The following SLIT1 variants were observed in gnomAD, a reference collection of about 807,000 sequenced individuals.
The protein encoded by SLIT1 is slit guidance ligand 1.
SLIT1 carries 66 observed loss-of-function variants against 186.1 expected under a neutral mutation model. The observed-to-expected ratio is 0.35, with a 90% confidence interval of 0.29 to 0.44. The LOEUF (loss-of-function observed/expected upper bound fraction) is 0.44. Ranked by LOEUF, SLIT1 falls within the 20% of genes least tolerant of loss-of-function variation. SLIT1 has a pLI of 1.00. For synonymous variants in SLIT1, 761 were observed against 833.8 expected, an observed-to-expected ratio of 0.91 and a Z score of 1.50; for missense variants, 1,638 against 2,037.4, an observed-to-expected ratio of 0.80 and a Z score of 3.77.
At chr10:97,084,933 T>TC (rs1320757676) in intron 4 of SLIT1, among the ~76,000 whole-genome samples, 3 of 148,902 alleles carry the variant, frequency 2.0e-5, no homozygotes, top group African/African-American at 7.4e-5. Context: ...CCTTTTTTTT[T>TC]TTTTTTTTGA....
intron 4 of SLIT1, among the ~76,000 whole-genome samples, chr10:97,066,886 G>A (rs1848952081): frequency 6.6e-6 from 1 of 152,198 alleles, no homozygotes; most frequent in Admixed American, 6.5e-5. Context: ...ATACAACAGA[G>A]GTGCTTCTGG....
intron 4 of SLIT1, among the ~76,000 whole-genome samples, chr10:97,106,301 G>A (rs187606618): frequency 4.5e-4 from 68 of 152,358 alleles, no homozygotes; most frequent in African/African-American, 1.6e-3. Flanking sequence ...TGGAGCTGCT[G>A]TAAACATCTT....
At chr10:97,028,144 T>C (rs1482350180) in intron 25 of SLIT1, among the ~76,000 whole-genome samples, 1 of 152,090 alleles carries the variant, frequency 6.6e-6, no homozygotes, top group South Asian at 2.1e-4. Flanking sequence ...AAAATGAGCA[T>C]GCAACCAAAA....
intron 4 of SLIT1, among the ~76,000 whole-genome samples, chr10:97,089,603 G>A (rs1849208162): frequency 6.6e-6 from 1 of 152,200 alleles, no homozygotes; most frequent in South Asian, 2.1e-4. Flanking sequence ...ATGGAATTCT[G>A]GCCGCTGCAG....
intron 3 of SLIT1, among the ~76,000 whole-genome samples, chr10:97,158,812 G>A (rs1849987616): frequency 6.6e-6 from 1 of 151,902 alleles, no homozygotes. Context: ...CCAGGGAGGT[G>A]GTGCAGTAAG....
At chr10:97,081,792 T>C (rs548732192) in intron 4 of SLIT1, among the ~76,000 whole-genome samples, 4 of 152,278 alleles carry the variant, frequency 2.6e-5, no homozygotes, top group Admixed American at 2.6e-4. Context: ...CCAGAGGAGC[T>C]ACGAGGAACC....
At chr10:97,002,062 G>T in intron 36 of SLIT1, 96 bp downstream of exon 36, 1 of 795,548 alleles carries the variant, frequency 1.3e-6, no homozygotes. Context: ...GCTGGGAAGG[G>T]ACAGAAGGGC....
At position 97,043,184 on chromosome 10, in the gene SLIT1, C is replaced by T; in HGVS notation, c.1998-117G>A. On this transcript the variant is annotated intron_variant, in intron 19 of 36. Transcript: ENST00000266058. This position sits in a 1 kb window ranked among gnomAD's most constrained non-coding sequence, Gnocchi z 7.0. Reference sequence around the variant, plus strand: ...TGGCCACATGGCACTGTCTCCCAGACCACCACCCATCACCAAGAGGACCGG... The same window carrying T: ...TGGCCACATGGCACTGTCTCCCAGATCACCACCCATCACCAAGAGGACCGG... 4.5e-6 allele frequency: 6 copies of T among 1,343,354 alleles called. No individual in the cohort carries two copies. The highest frequency in any genetic ancestry group is 1.4e-5 in the South Asian group (1 of 73,926). The allele number at this position is 1,343,354 out of a possible 1,614,324, so 83.2% of individuals were successfully genotyped here. A position where few individuals can be genotyped will look rare whatever the true frequency, so the allele number is the denominator to read the frequency against.
intron 4 of SLIT1, among the ~76,000 whole-genome samples, chr10:97,072,283 T>G (rs1180901242): frequency 6.6e-6 from 1 of 152,238 alleles, no homozygotes; most frequent in Admixed American, 6.5e-5. Context: ...CTCAGCTTCC[T>G]GAGTAGCTGG....
intron 22 of SLIT1, among the ~76,000 whole-genome samples, chr10:97,034,960 C>A (rs1168186201): frequency 6.6e-6 from 1 of 152,170 alleles, no homozygotes; most frequent in Non-Finnish European, 1.5e-5. Context: ...GAGAGGGCAG[C>A]CCCATTTGAC....
At position 97,074,392 on chromosome 10, in the gene SLIT1, C is replaced by A. The variant is rs370185635; in HGVS notation, c.414-8306G>T. On this transcript the variant is annotated intron_variant, in intron 4 of 36. Coordinates refer to ENST00000266058, the MANE Select transcript of SLIT1 (RefSeq NM_003061.3). Reference sequence around the variant, plus strand: ...CAGGCTGGCTGTGCATGGCGAGAGACCACAGCTCCCCACCTATGCTGCGGC... The same window carrying A: ...CAGGCTGGCTGTGCATGGCGAGAGAACACAGCTCCCCACCTATGCTGCGGC... 5.9e-5 allele frequency among the ~76,000 whole-genome samples: 9 copies of A among 152,188 alleles called. No homozygotes were observed. The East Asian group carries it at 7.7e-4, about 13-fold the overall frequency.
rs1471196958 is a variant in SLIT1, at chr10:97,000,833, A to G, written c.*279T>C. 1 of 466,516 alleles carries G rather than the reference A, an allele frequency of 2.1e-6. No homozygotes were observed. Among genetic ancestry groups the G allele is most frequent in the Non-Finnish European group, 3.9e-6 (1 of 257,072 alleles). The allele number at this position is 466,516 out of a possible 1,614,324, so 28.9% of individuals were successfully genotyped here. ...TGCACTTCTTGGCCTGACCTCACGC[A>G]CACATTCACTCAACAAATATTTATT... On this transcript the variant is annotated 3_prime_UTR_variant, in exon 37 of 37. Coordinates refer to ENST00000266058, the MANE Select transcript of SLIT1 (RefSeq NM_003061.3).
At chr10:97,039,611 C>A (rs1320265149) in intron 21 of SLIT1, among the ~76,000 whole-genome samples, 1 of 152,214 alleles carries the variant, frequency 6.6e-6, no homozygotes, top group Admixed American at 6.5e-5. Flanking sequence ...TTATCTGGGT[C>A]ATAGTAGATT....
chr10:97,030,974 C>G, intron 24 of SLIT1, 146 bp from the exon 25 acceptor site: 1 of 681,090 alleles, frequency 1.5e-6, no homozygotes, highest in Non-Finnish European at 2.6e-6. Context: ...GAGATGGCCC[C>G]TAGCTCAGCT....
chr10:97,032,713 A>G (rs1445987303), intron 23 of SLIT1, among the ~76,000 whole-genome samples: 1 of 151,962 alleles, frequency 6.6e-6, no homozygotes, highest in Non-Finnish European at 1.5e-5. Context: ...AAGGGAAATC[A>G]CACTTGCAAT....
At chr10:97,080,761 A>T (rs552734954) in intron 4 of SLIT1, among the ~76,000 whole-genome samples, 1 of 152,386 alleles carries the variant, frequency 6.6e-6, no homozygotes, top group Non-Finnish European at 1.5e-5. Context: ...AATTTGACGT[A>T]TTGGTCATTT....
chr10:97,014,727 A>G (rs1429307672), intron 28 of SLIT1, among the ~76,000 whole-genome samples: 2 of 152,136 alleles, frequency 1.3e-5, no homozygotes, highest in African/African-American at 2.4e-5. Context: ...TTAGCTGGGC[A>G]TGGTGGCATG....
chr10:97,108,457 G>T (rs981066711), intron 4 of SLIT1, among the ~76,000 whole-genome samples: 1 of 152,136 alleles, frequency 6.6e-6, no homozygotes, highest in Non-Finnish European at 1.5e-5. Flanking sequence ...CCACCAAATC[G>T]AGAGTTCCAG....
Position 97,021,538 on chromosome 10 carries a change from T to C in SLIT1, c.2583-125A>G. 1.3e-6 allele frequency: 1 copy of C among 796,122 alleles called. No homozygotes were observed. The highest frequency in any genetic ancestry group is 2.0e-6 in the Non-Finnish European group (1 of 507,316). 49.3% of individuals were successfully genotyped at this position (796,122 alleles called of 1,614,324 possible). ...ATCTTAGCCTCCATTTCATGAGCAT[T>C]TACTGTATAGTCAGTGCTGCTTTTT... is the stretch of plus-strand genomic sequence containing the variant. On this transcript the variant is annotated intron_variant, in intron 25 of 36. Coordinates refer to ENST00000266058, the MANE Select transcript of SLIT1 (RefSeq NM_003061.3). The surrounding 1 kb of genome is among the most constrained non-coding windows in gnomAD (Gnocchi z 4.5).
Sources: allele counts gnomAD v4.1 joint callset (sites outside exome capture counted in the v4.1 genomes callset), GRCh38; gene constraint gnomAD v4.1.1; non-coding constraint Gnocchi (gnomAD v3.1); transcripts MANE v1.5; gene names NCBI Gene and HGNC (gene_info 2026-07-23, HGNC 2026-07-21).